Variants in GNPTAB observed in about 807,000 individuals in gnomAD.
GNPTAB encodes N-acetylglucosamine-1-phosphotransferase subunits alpha/beta.
A neutral mutation model predicts 136.6 loss-of-function variants in GNPTAB; 92 were observed. The ratio of observed to expected loss-of-function variants is 0.67; its 90% CI spans 0.57 to 0.80. The LOEUF (loss-of-function observed/expected upper bound fraction) is 0.80, where lower values mean the gene tolerates loss of function less well. Ranked by LOEUF, GNPTAB falls within the 30% of genes least tolerant of loss-of-function variation. The pLI is 0.00. For synonymous variants in GNPTAB, 512 were observed against 535.1 expected, an observed-to-expected ratio of 0.96 and a Z score of 0.60; for missense variants, 1,343 against 1,501.8, an observed-to-expected ratio of 0.89 and a Z score of 1.75.
At chr12:101,778,328 A>C (rs1409551568) in intron 7 of GNPTAB, 1 of 152,216 alleles carries the variant, frequency 6.6e-6, no homozygotes, top group Non-Finnish European at 1.5e-5. Context: ...AAATTATATA[A>C]ATAGAATCAA....
intron 1 of GNPTAB, among the ~76,000 whole-genome samples, chr12:101,815,812 T>A (rs1415836550): frequency 1.3e-5 from 2 of 152,118 alleles, no homozygotes; most frequent in Non-Finnish European, 2.9e-5. Context: ...CACAGAGCTA[T>A]AGAAACTAAA....
In GNPTAB at chr12:101,767,776, C is replaced by G. The variant is rs61938168; in HGVS notation, c.1408+261G>C. ...TAGCTAGGACTACAGGTTTGCACCA[C>G]CACACTTGGCTAATTTTTTTTGATA... On this transcript the variant is annotated intron_variant, in intron 11 of 20. Transcript: ENST00000299314. 6 of 605,888 alleles carry G rather than the reference C, an allele frequency of 9.9e-6. No individual in the cohort carries two copies. The East Asian group carries it at 1.7e-4, about 17-fold the overall frequency. 37.5% of individuals were successfully genotyped at this position (605,888 alleles called of 1,614,324 possible). A position where few individuals can be genotyped will look rare whatever the true frequency, so the allele number is the denominator to read the frequency against.
At chr12:101,792,137 TAAG>T (rs1237281709) in intron 2 of GNPTAB, among the ~76,000 whole-genome samples, 1 of 152,048 alleles carries the variant, frequency 6.6e-6, no homozygotes, top group Non-Finnish European at 1.5e-5. Flanking sequence ...ATGGCCTCAG[TAAG>T]AAGGTGACAT....
rs748627801 is a variant in GNPTAB, at chr12:101,768,137, T to C, written c.1308A>G (p.Pro436=). 6.2e-7 allele frequency: 1 copy of C among 1,614,192 alleles called. No individual in the cohort carries two copies. Among genetic ancestry groups the C allele is most frequent in the Non-Finnish European group, 8.5e-7 (1 of 1,180,006 alleles). Residue 436 remains proline, a synonymous_variant, in exon 11 of 21, where the codon CCA becomes CCG. Coordinates refer to ENST00000299314, the MANE Select transcript of GNPTAB (RefSeq NM_024312.5). The stretch of plus-strand genomic sequence containing the variant: ...AACCTGGGCAGCCCTCGGCACAGTT[T>C]GGCACAGGCCATGTCAAATAAACCT... ...GQKVYLTWPV[P]NCAEGCPGSW... is the part of the protein sequence containing the mutation.
chr12:101,786,108 G>A lies in GNPTAB; in HGVS notation c.475C>T (p.Pro159Ser), dbSNP rs1245889696. 1.9e-6 allele frequency: 3 copies of A among 1,613,972 alleles called. No individual in the cohort carries two copies. The highest frequency in any genetic ancestry group is 2.2e-5 in the East Asian group (1 of 44,884). ...ATGTCACTGGCAGAATGAAAAGAAGGATAAAGAGATGGCAGGTCCTTCAGG... is the reference window on the plus strand; with the variant it reads ...ATGTCACTGGCAGAATGAAAAGAAGAATAAAGAGATGGCAGGTCCTTCAGG... Reference protein sequence around the residue: ...ITLKDLPSLYPSFHSASDIFN... With the variant: ...ITLKDLPSLYSSFHSASDIFN... Residue 159 changes from proline (P) to serine (S), a missense_variant, in exon 5 of 21, where the codon CCT becomes TCT. Physicochemically the swap from Pro to Ser is moderately conservative, Grantham distance 74. Transcript: ENST00000299314.
chr12:101,795,697 GA>G (rs1869240513), intron 2 of GNPTAB, among the ~76,000 whole-genome samples: 1 of 151,788 alleles, frequency 6.6e-6, no homozygotes, highest in African/African-American at 2.4e-5. Context: ...AGGTTGCAGT[GA>G]GCCGAAATCG....
At chr12:101,751,069 G>C (rs771099938) in intron 19 of GNPTAB, among the ~76,000 whole-genome samples, 1 of 152,038 alleles carries the variant, frequency 6.6e-6, no homozygotes, top group East Asian at 1.9e-4. Flanking sequence ...CATGAAGTCT[G>C]ATCATGACAA....
At chr12:101,752,282 G>A (rs1440878687) in intron 19 of GNPTAB, among the ~76,000 whole-genome samples, 2 of 152,118 alleles carry the variant, frequency 1.3e-5, no homozygotes, top group Non-Finnish European at 2.9e-5. Context: ...AAAATTAGCT[G>A]GGCATGGTGG....
chr12:101,829,902 G>T (rs1871277241), intron 1 of GNPTAB, among the ~76,000 whole-genome samples: 1 of 151,184 alleles, frequency 6.6e-6, no homozygotes, highest in Non-Finnish European at 1.5e-5. Flanking sequence ...CTTCTCTTAC[G>T]GAGCTTACAA....
intron 1 of GNPTAB, among the ~76,000 whole-genome samples, chr12:101,804,541 A>G (rs1160034906): frequency 6.6e-6 from 1 of 152,218 alleles, no homozygotes; most frequent in African/African-American, 2.4e-5. Flanking sequence ...GCAAATAGTT[A>G]TTCTACCTAT....
chr12:101,788,665 T>C, intron 3 of GNPTAB, 76 bp from the exon 4 acceptor site: 1 of 810,466 alleles, frequency 1.2e-6, no homozygotes. Flanking sequence ...ACGGTTTGCT[T>C]AGAGCATAAA....
At chr12:101,806,467 T>C (rs2137169971) in intron 1 of GNPTAB, among the ~76,000 whole-genome samples, 1 of 152,324 alleles carries the variant, frequency 6.6e-6, no homozygotes, top group South Asian at 2.1e-4. Context: ...ATGAAAAAGT[T>C]TGGGAAATAG....
At chr12:101,770,286 T>C in intron 9 of GNPTAB, 95 bp from the exon 10 acceptor site, 2 of 1,433,908 alleles carry the variant, frequency 1.4e-6, no homozygotes, top group South Asian at 2.3e-5. Context: ...AATGAAGAGC[T>C]AGAGAAAGGA....
intron 1 of GNPTAB, among the ~76,000 whole-genome samples, chr12:101,811,822 A>G (rs1165274766): frequency 6.6e-5 from 10 of 151,638 alleles, no homozygotes; most frequent in African/African-American, 2.2e-4. Context: ...TATTTTTAGT[A>G]GAGATGGGGT....
chr12:101,753,334 C>A (rs1248223070), intron 19 of GNPTAB, 38 bp downstream of exon 19: 1 of 1,457,150 alleles, frequency 6.9e-7, no homozygotes, highest in Admixed American at 1.7e-5. Context: ...TGTATACACT[C>A]ACCCACACAC....
intron 10 of GNPTAB, among the ~76,000 whole-genome samples, chr12:101,769,569 T>C (rs956252182): frequency 6.6e-6 from 1 of 152,136 alleles, no homozygotes; most frequent in African/African-American, 2.4e-5. Context: ...CACTCAAAAA[T>C]GATTATTTGA....
intron 7 of GNPTAB, chr12:101,779,256 T>C (rs959412467): frequency 3.3e-5 from 5 of 152,180 alleles, no homozygotes; most frequent in Admixed American, 6.5e-5. Context: ...CATTTCTTTA[T>C]AAAATCAGGA....
Position 101,746,944 on chromosome 12 carries a change from T to C in GNPTAB, c.*220A>G. 1 of 506,256 alleles carries C rather than the reference T, an allele frequency of 2.0e-6. No homozygotes were observed. The highest frequency in any genetic ancestry group is 2.4e-5 in the South Asian group (1 of 41,614). The allele number at this position is 506,256 out of a possible 1,614,324, so 31.4% of individuals were successfully genotyped here. On this transcript the variant is annotated 3_prime_UTR_variant, in exon 21 of 21. Coordinates refer to ENST00000299314, the MANE Select transcript of GNPTAB (RefSeq NM_024312.5). ...GGTCCATGAGCAAATTCTTTAAAAG[T>C]AAAATCAGTTCAGAGCTGCTCAACA...
chr12:101,808,825 G>A (rs1870077112), intron 1 of GNPTAB, among the ~76,000 whole-genome samples: 1 of 152,146 alleles, frequency 6.6e-6, no homozygotes, highest in Non-Finnish European at 1.5e-5. Context: ...GTGCATGCCT[G>A]TAATCCCAGC....
Sources: allele counts gnomAD v4.1 joint callset (sites outside exome capture counted in the v4.1 genomes callset), GRCh38; gene constraint gnomAD v4.1.1; transcripts MANE v1.5; gene names NCBI Gene and HGNC (gene_info 2026-07-23, HGNC 2026-07-21).